Variants in NEK11 observed in about 807,000 individuals in gnomAD.
NEK11 encodes serine/threonine-protein kinase Nek11.
In NEK11, 72 loss-of-function variants were observed where a neutral mutation model predicts 80.7. The observed-to-expected ratio is 0.89, with a 90% confidence interval of 0.74 to 1.08. NEK11 has a LOEUF of 1.08. NEK11 is among the 50% of genes least tolerant of loss of function. NEK11 has a pLI of 0.00. For missense variants in NEK11, 764 were observed against 763.6 expected (o/e 1.00, Z -0.01); for synonymous variants, 251 against 260.7 (o/e 0.96, Z 0.36).
At chr3:131,308,519 C>T (rs1445540315) in intron 17 of NEK11, among the ~76,000 whole-genome samples, 1 of 152,084 alleles carries the variant, frequency 6.6e-6, no homozygotes, top group African/African-American at 2.4e-5. Context: ...AATTTACACC[C>T]CTGTCTTTAA....
intron 16 of NEK11, among the ~76,000 whole-genome samples, chr3:131,251,977 T>C (rs993957649): frequency 6.6e-6 from 1 of 152,116 alleles, no homozygotes; most frequent in Non-Finnish European, 1.5e-5. Context: ...AGAACTTCCC[T>C]GTCATTATAT....
intron 14 of NEK11, among the ~76,000 whole-genome samples, chr3:131,188,818 G>T (rs2093687854): frequency 6.6e-6 from 1 of 151,978 alleles, no homozygotes; most frequent in East Asian, 1.9e-4. Flanking sequence ...CTACCCCAAA[G>T]TGTTTCATTA....
intron 14 of NEK11, among the ~76,000 whole-genome samples, chr3:131,178,249 A>G (rs564667927): frequency 6.6e-6 from 1 of 152,172 alleles, no homozygotes; most frequent in South Asian, 2.1e-4. Context: ...GACTTTATAT[A>G]TAAGCACTGT....
rs771289152 is a variant in NEK11, at chr3:131,228,705, G to C, written c.1560+17G>C. 3 of 1,607,592 alleles carry C rather than the reference G, an allele frequency of 1.9e-6. No homozygotes were observed. The highest frequency in any genetic ancestry group is 1.7e-5 in the Admixed American group (1 of 59,692). The stretch of plus-strand genomic sequence containing the variant: ...AACCAACAGGTATGTAATGCTCCCT[G>C]TCGGAAGCCATGGAACTGTTCAAGG... On this transcript the variant is annotated intron_variant, in intron 15 of 17. Transcript: ENST00000383366.
At chr3:131,199,214 A>G (rs1395305673) in intron 14 of NEK11, among the ~76,000 whole-genome samples, 2 of 152,228 alleles carry the variant, frequency 1.3e-5, no homozygotes, top group Non-Finnish European at 2.9e-5. Context: ...TATACAGGTT[A>G]TAATGTATAA....
intron 4 of NEK11, among the ~76,000 whole-genome samples, chr3:131,090,888 G>A (rs765446450): frequency 1.4e-4 from 22 of 152,080 alleles, no homozygotes; most frequent in East Asian, 1.9e-4. Context: ...CTCCACGCTC[G>A]CAAGCAGCTG....
chr3:131,248,555 A>G (rs79808536), intron 16 of NEK11, among the ~76,000 whole-genome samples: 2,532 of 152,098 alleles, frequency 0.017, 68 homozygotes, highest in African/African-American at 0.057. Flanking sequence ...AGGGCTGGTG[A>G]GGGACAAGGT....
chr3:131,231,519 T>A (rs1377341116), intron 15 of NEK11, among the ~76,000 whole-genome samples: 1 of 150,116 alleles, frequency 6.7e-6, no homozygotes, highest in Non-Finnish European at 1.5e-5. Context: ...GTAGAGCAAT[T>A]TGTATAGATT....
intron 4 of NEK11, among the ~76,000 whole-genome samples, chr3:131,088,767 G>GA (rs1224908617): frequency 1.3e-5 from 2 of 152,166 alleles, no homozygotes; most frequent in African/African-American, 4.8e-5. Flanking sequence ...TATTAGAAAT[G>GA]AAAATCATAA....
intron 15 of NEK11, among the ~76,000 whole-genome samples, chr3:131,237,698 A>G (rs1374266887): frequency 6.6e-6 from 1 of 152,152 alleles, no homozygotes; most frequent in Non-Finnish European, 1.5e-5. Flanking sequence ...TCTAATAGAC[A>G]TCCTGAAATA....
At chr3:131,289,796 G>A (rs993386242) in intron 17 of NEK11, among the ~76,000 whole-genome samples, 2 of 152,142 alleles carry the variant, frequency 1.3e-5, no homozygotes, top group East Asian at 3.9e-4. Context: ...ATTATTCTCA[G>A]GATGGTCTGT....
intron 17 of NEK11, among the ~76,000 whole-genome samples, chr3:131,332,460 C>T (rs564556606): frequency 6.6e-6 from 1 of 152,264 alleles, no homozygotes; most frequent in East Asian, 1.9e-4. Context: ...ACCAAAAACC[C>T]ATCTGTACAT....
intron 17 of NEK11, among the ~76,000 whole-genome samples, chr3:131,302,056 G>T (rs2096666858): frequency 6.6e-6 from 1 of 152,108 alleles, no homozygotes; most frequent in African/African-American, 2.4e-5. Flanking sequence ...CTGTTTTCAA[G>T]AGTTCATTTT....
chr3:131,316,543 G>A (rs1417067686), intron 17 of NEK11, among the ~76,000 whole-genome samples: 2 of 152,218 alleles, frequency 1.3e-5, no homozygotes, highest in East Asian at 3.8e-4. Context: ...TTTTGTAAAT[G>A]AGAATATATG....
Position 131,332,203 on chromosome 3 carries a change from T to A in NEK11, c.1719-17354T>A, listed in dbSNP as rs139525350. 2.4e-4 allele frequency among the ~76,000 whole-genome samples: 37 copies of A among 152,254 alleles called. 1 individual carries two copies. The highest frequency in any genetic ancestry group is 7.9e-4 in the African/African-American group (33 of 41,528). On this transcript the variant is annotated intron_variant, in intron 17 of 17. Coordinates refer to ENST00000383366, the MANE Select transcript of NEK11 (RefSeq NM_024800.5). ...ACCCCTGACCCCTGAGCAACCTAAC[T>A]GGGAGGCACCCCCCAGTAGGGGCAC...
At chr3:131,232,979 GGGAA>G (rs55987547) in intron 15 of NEK11, among the ~76,000 whole-genome samples, 36,196 of 132,316 alleles carry the variant, frequency 0.27, 5,160 homozygotes, top group Admixed American at 0.34. Flanking sequence ...TATATTTGAG[GGGAA>G]GGAAGGAAGG....
At chr3:131,200,211 T>C (rs1033484384) in intron 14 of NEK11, among the ~76,000 whole-genome samples, 4 of 152,206 alleles carry the variant, frequency 2.6e-5, no homozygotes, top group African/African-American at 2.4e-5. Context: ...TTCTGTGTAC[T>C]GAAAGAAAGT....
At chr3:131,226,162 G>T (rs866687705) in intron 14 of NEK11, among the ~76,000 whole-genome samples, 5 of 152,148 alleles carry the variant, frequency 3.3e-5, no homozygotes, top group Middle Eastern at 3.2e-3. Flanking sequence ...AGAGTTGAGG[G>T]TGGGCAAGAG....
intron 4 of NEK11, among the ~76,000 whole-genome samples, chr3:131,105,707 AC>A (rs2079078271): frequency 6.6e-6 from 1 of 152,032 alleles, no homozygotes; most frequent in African/African-American, 2.4e-5. Flanking sequence ...GGGGGAAACC[AC>A]CCCCATGATT....
Sources: allele counts gnomAD v4.1 joint callset (sites outside exome capture counted in the v4.1 genomes callset), GRCh38; gene constraint gnomAD v4.1.1; transcripts MANE v1.5; gene names NCBI Gene and HGNC (gene_info 2026-07-23, HGNC 2026-07-21).